Variants in CFAP92 observed in about 807,000 individuals in gnomAD.
CFAP92 encodes the protein cilia and flagella associated protein 92 (putative).
A neutral mutation model predicts 106.3 loss-of-function variants in CFAP92; 86 were observed. The ratio of observed to expected loss-of-function variants is 0.81; its 90% CI spans 0.68 to 0.97. CFAP92 has a LOEUF of 0.97. Ranked by LOEUF, CFAP92 falls within the 50% of genes least tolerant of loss-of-function variation. The probability of loss-of-function intolerance (pLI) is 0.00; values close to 1 mark genes in which losing one functional copy is unlikely to be tolerated. For missense variants in CFAP92, 1,204 were observed against 1,283.8 expected, an observed-to-expected ratio of 0.94 and a Z score of 0.95; for synonymous variants, 477 against 506.4, an observed-to-expected ratio of 0.94 and a Z score of 0.78.
chr3:128,999,944 T>A (rs1226754305), intron 1 of CFAP92, among the ~76,000 whole-genome samples: 4 of 152,258 alleles, frequency 2.6e-5, no homozygotes, highest in African/African-American at 4.8e-5. Context: ...TCCCTCCATC[T>A]TCTTCTGTGC....
intron 12 of CFAP92, among the ~76,000 whole-genome samples, chr3:128,930,189 C>T (rs1432009787): frequency 3.3e-5 from 5 of 152,034 alleles, no homozygotes; most frequent in South Asian, 2.1e-4. Flanking sequence ...CTCGCTCTGT[C>T]GCCCAGGCTG....
intron 9 of CFAP92, among the ~76,000 whole-genome samples, chr3:128,958,325 G>C (rs1003221799): frequency 6.6e-6 from 1 of 152,194 alleles, no homozygotes; most frequent in Non-Finnish European, 1.5e-5. Context: ...AGGGTAGCAC[G>C]AAGGAGATCT....
intron 11 of CFAP92, among the ~76,000 whole-genome samples, 161 bp downstream of exon 11, chr3:128,934,962 CCA>C (rs145612763): frequency 2.0e-5 from 3 of 152,346 alleles, no homozygotes; most frequent in Non-Finnish European, 2.9e-5. Flanking sequence ...ACAGTAGACG[CCA>C]CAGAGTCACA....
intron 9 of CFAP92, among the ~76,000 whole-genome samples, chr3:128,964,450 C>T (rs139171055): frequency 0.02 from 2,992 of 152,282 alleles, 91 homozygotes; most frequent in African/African-American, 0.067. Flanking sequence ...ACTACTCATA[C>T]GTGCCCTGCT....
At chr3:128,930,515 G>A (rs533599833) in intron 12 of CFAP92, among the ~76,000 whole-genome samples, 10 of 117,080 alleles carry the variant, frequency 8.5e-5, no homozygotes, top group Admixed American at 4.8e-4. Flanking sequence ...AGCTCTTTGG[G>A]AGGCTGAGGT....
intron 12 of CFAP92, 126 bp from the exon 13 acceptor site, chr3:128,916,397 G>A (rs1249172014): frequency 3.4e-6 from 2 of 590,852 alleles, no homozygotes; most frequent in Admixed American, 8.7e-5. Context: ...CTTCAATACT[G>A]GTGCTGTTAT....
chr3:128,998,080 CT>C (rs567384854), upstream of CFAP92, among the ~76,000 whole-genome samples: 732 of 152,274 alleles, frequency 4.8e-3, 7 homozygotes, highest in African/African-American at 0.017. Context: ...CACATGTTGG[CT>C]ATTTATACAA....
At chr3:128,915,789 A>G (rs1936764528) in intron 13 of CFAP92, 9 of 499,268 alleles carry the variant, frequency 1.8e-5, no homozygotes, top group Admixed American at 3.8e-5. Context: ...AGCCTAAACC[A>G]TGGCTTTCCC....
intron 9 of CFAP92, among the ~76,000 whole-genome samples, chr3:128,961,526 C>G (rs534986862): frequency 2.6e-5 from 4 of 152,162 alleles, no homozygotes; most frequent in South Asian, 2.1e-4. Flanking sequence ...AGCCCTCCCC[C>G]ACCTGCCCAG....
chr3:128,979,338 A>G (rs954640279), intron 4 of CFAP92, among the ~76,000 whole-genome samples: 2 of 152,234 alleles, frequency 1.3e-5, no homozygotes, highest in African/African-American at 4.8e-5. Context: ...ACACTTTTAC[A>G]CTGTTGGTGG....
At chr3:128,918,831 C>G (rs192135795) in intron 12 of CFAP92, among the ~76,000 whole-genome samples, 12 of 152,078 alleles carry the variant, frequency 7.9e-5, no homozygotes, top group African/African-American at 2.9e-4. Flanking sequence ...AAAACTTGAT[C>G]TATCCAAGGA....
chr3:129,002,064 C>T lies in CFAP92; in HGVS notation n.117+510G>A, dbSNP rs780841462. The T allele has an allele frequency of 1.4e-3, 2,216 of 1,538,558 alleles. 8 individuals are homozygous for T. The highest frequency in any genetic ancestry group is 2.6e-3 in the Admixed American group (132 of 50,124). ...GCCGGAGCTCACCTTCCGCCAGTTC[C>T]ACGCGCGCCTCTGTGGCTACTTCGG... On this transcript the variant is annotated intron_variant and non_coding_transcript_variant, in intron 1 of 4. Coordinates refer to the CFAP92 transcript ENST00000510149.
intron 12 of CFAP92, among the ~76,000 whole-genome samples, chr3:128,925,997 T>C (rs1680786): frequency 0.43 from 65,804 of 151,996 alleles, 16,744 homozygotes; most frequent in African/African-American, 0.7. Context: ...CACTTCTCAA[T>C]ACTGAAACAA....
chr3:129,017,481 G>T, the CFAP92 span, among the ~76,000 whole-genome samples: 371 of 152,348 alleles, frequency 2.4e-3, 3 homozygotes, highest in African/African-American at 8.6e-3. Context: ...CCCTTGGCCG[G>T]GTCTGGACCC....
At chr3:129,022,588 T>C in the CFAP92 span, among the ~76,000 whole-genome samples, 1 of 152,154 alleles carries the variant, frequency 6.6e-6, no homozygotes, top group South Asian at 2.1e-4. Flanking sequence ...CTCCGGATGC[T>C]GTGCAGATGT....
intron 12 of CFAP92, among the ~76,000 whole-genome samples, chr3:128,921,220 C>T (rs144511899): frequency 2.3e-4 from 35 of 152,228 alleles, no homozygotes; most frequent in Non-Finnish European, 1.5e-4. Flanking sequence ...TATGAGGCAA[C>T]GAACACCCCA....
chr3:128,967,237 C>A (rs1389581882), intron 8 of CFAP92: 1 of 152,162 alleles, frequency 6.6e-6, no homozygotes, highest in Non-Finnish European at 1.5e-5. Flanking sequence ...AAAACAAGTC[C>A]CGGGCCAGGT....
chr3:129,003,649 G>C, upstream of CFAP92: 1 of 818,760 alleles, frequency 1.2e-6, no homozygotes, highest in African/African-American at 1.8e-5. Context: ...GGACCTAAGG[G>C]CCTGGCACCC....
In CFAP92 at chr3:128,956,956, G is replaced by A. The variant is rs550656976; in HGVS notation, c.1353+8555C>T. Among the ~76,000 whole-genome samples, 4 of 126,784 alleles carry A rather than the reference G, an allele frequency of 3.2e-5. No homozygotes were observed. The Admixed American group carries it at 3.6e-4, about 11-fold the overall frequency. The allele number at this position is 126,784 out of a possible 152,430, so 83.2% of individuals were successfully genotyped here. A position where few individuals can be genotyped will look rare whatever the true frequency, so the allele number is the denominator to read the frequency against. ...CATCATGCCACTACACTCCAGCCTGGGTGACAGAGCCAGACTCTCTCAAAA... is the reference window on the plus strand; with the variant it reads ...CATCATGCCACTACACTCCAGCCTGAGTGACAGAGCCAGACTCTCTCAAAA... On this transcript the variant is annotated intron_variant, in intron 9 of 15. Transcript: ENST00000645291.
Sources: gnomAD v4.1 joint callset for allele counts (sites outside exome capture counted in the v4.1 genomes callset) on GRCh38, gnomAD v4.1.1 for gene constraint, MANE v1.5 for transcripts, NCBI Gene and HGNC (gene_info 2026-07-23, HGNC 2026-07-21) for gene names.